The following COL1A1 variants were observed in gnomAD, a reference collection of about 807,000 sequenced individuals.
COL1A1 encodes the protein collagen alpha-1(I) chain.
In COL1A1, 21 loss-of-function variants were observed where a neutral mutation model predicts 195.7. The observed-to-expected ratio is 0.11, with a 90% CI of 0.08 to 0.15. The LOEUF is 0.15. COL1A1 is among the 10% of genes least tolerant of loss of function. COL1A1 has a pLI of 1.00. For missense variants in COL1A1, 1,365 were observed against 2,051.0 expected (o/e 0.67, Z 6.46); for synonymous variants, 749 against 747.3 (o/e 1.00, Z -0.04).
Position 50,189,067 on chromosome 17 carries a change from G to A in COL1A1, c.2938-57C>T, listed in dbSNP as rs1244108987. The A allele has an allele frequency of 3.8e-5, 59 of 1,563,904 alleles. 1 individual carries two copies. Among genetic ancestry groups the A allele is most frequent in the African/African-American group, 5.4e-5 (4 of 73,850 alleles). On this transcript the variant is annotated intron_variant, in intron 40 of 50. Transcript: ENST00000225964. This position sits in a 1 kb window ranked among gnomAD's most constrained non-coding sequence, Gnocchi z 5.5. The stretch of plus-strand genomic sequence containing the variant: ...AGGGTCTGGGAGGACCCTTGAGTCC[G>A]CTGGAGTCATCTCTACCAAATCTGT...
chr17:50,196,546 A>G lies in COL1A1; in HGVS notation c.859-18T>C. On this transcript the variant is annotated intron_variant, in intron 12 of 50. Coordinates refer to ENST00000225964, the MANE Select transcript of COL1A1 (RefSeq NM_000088.4). ...GGCTCACCCTGTAGATCAGAGAATA[A>G]TGAGTGAGAAATTCATTCATGGTGG... The G allele has an allele frequency of 6.2e-7, 1 of 1,614,144 alleles. No homozygotes were observed. The highest frequency in any genetic ancestry group is 8.5e-7 in the Non-Finnish European group (1 of 1,180,024).
chr17:50,189,322 C>T lies in COL1A1; in HGVS notation c.2830-47G>A, dbSNP rs760204125. The stretch of plus-strand genomic sequence containing the variant: ...GAGGTGCCAGAGAGCAGCACAGGGA[C>T]CCCTCCCCAGCTCTGCACACCTCCG... On this transcript the variant is annotated intron_variant, in intron 39 of 50. Transcript: ENST00000225964. The surrounding 1 kb of genome is among the most constrained non-coding windows in gnomAD (Gnocchi z 5.5). 1 of 1,613,754 alleles carries T rather than the reference C, an allele frequency of 6.2e-7. No homozygotes were observed. Among genetic ancestry groups the T allele is most frequent in the South Asian group, 1.1e-5 (1 of 91,078 alleles).
In COL1A1 at chr17:50,185,384, G is replaced by T; in HGVS notation, c.*118C>A. 8.9e-7 allele frequency: 1 copy of T among 1,127,908 alleles called. No homozygotes were observed. Among genetic ancestry groups the T allele is most frequent in the Non-Finnish European group, 1.3e-6 (1 of 753,056 alleles). 69.9% of individuals were successfully genotyped at this position (1,127,908 alleles called of 1,614,324 possible). On this transcript the variant is annotated 3_prime_UTR_variant, in exon 51 of 51. Transcript: ENST00000225964. ...GAAAAAAATATTTTCCAAAGTCCAT[G>T]TGAAATTGTCTCCCATTTTTTGGCT...
rs751808548 is a variant in COL1A1, at chr17:50,190,777, C to T, written c.2343+40G>A. On this transcript the variant is annotated intron_variant, in intron 33 of 50. Coordinates refer to ENST00000225964, the MANE Select transcript of COL1A1 (RefSeq NM_000088.4). This position sits in a 1 kb window ranked among gnomAD's most constrained non-coding sequence, Gnocchi z 4.7. ...ACCGTGCCCAGGCCTGCTGAGGAGG[C>T]TATGTGTTAGGGCAGAAGGTGGGGA... 5.7e-6 allele frequency: 9 copies of T among 1,567,634 alleles called. No homozygotes were observed. Among genetic ancestry groups the T allele is most frequent in the African/African-American group, 4.1e-5 (3 of 73,830 alleles).
In COL1A1 at chr17:50,192,658, A is replaced by G. The variant is rs771778976; in HGVS notation, c.1911T>C (p.Ala637=). ...GCCTCACCTGGAATCCGGGGGAGCC[A>G]GCAGGGCCTTGTTCACCTCTCTCGC... ...PAGERGEQGP[A]GSPGFQGLPG... Residue 637 remains alanine, a synonymous_variant, in exon 28 of 51, where the codon GCT becomes GCC. Transcript: ENST00000225964. The G allele has an allele frequency of 1.9e-6, 3 of 1,614,126 alleles. No individual in the cohort carries two copies. Among genetic ancestry groups the G allele is most frequent in the Non-Finnish European group, 8.5e-7 (1 of 1,180,046 alleles).
chr17:50,193,171 C>T (rs529107035), intron 25 of COL1A1, 124 bp from the exon 26 acceptor site: 40 of 966,518 alleles, frequency 4.1e-5, no homozygotes, highest in Admixed American at 1.9e-4. Context: ...GTTTGGCCCC[C>T]GGGGAATGCC....
chr17:50,194,310 A>G lies in COL1A1; in HGVS notation c.1614+39T>C. The G allele has an allele frequency of 6.2e-7, 1 of 1,609,006 alleles. No individual in the cohort carries two copies. The highest frequency in any genetic ancestry group is 8.5e-7 in the Non-Finnish European group (1 of 1,175,546). ...ATCCCAGACCCTACACGGGATGGTC[A>G]GGGCCTGGCCAAGCCAGGCTGAAAG... On this transcript the variant is annotated intron_variant, in intron 23 of 50. Transcript: ENST00000225964. This position sits in a 1 kb window ranked among gnomAD's most constrained non-coding sequence, Gnocchi z 6.8.
rs1187302629 is a variant in COL1A1, at chr17:50,194,312, G to A, written c.1614+37C>T. The A allele has an allele frequency of 1.9e-6, 3 of 1,610,110 alleles. No individual in the cohort carries two copies. Among genetic ancestry groups the A allele is most frequent in the Non-Finnish European group, 1.7e-6 (2 of 1,176,578 alleles). On this transcript the variant is annotated intron_variant, in intron 23 of 50. Coordinates refer to ENST00000225964, the MANE Select transcript of COL1A1 (RefSeq NM_000088.4). The surrounding 1 kb of genome is among the most constrained non-coding windows in gnomAD (Gnocchi z 6.8). ...CCCAGACCCTACACGGGATGGTCAG[G>A]GCCTGGCCAAGCCAGGCTGAAAGCC...
At chr17:50,191,348 T>A (rs546112377) in intron 32 of COL1A1, 35 bp downstream of exon 32, 1 of 1,570,870 alleles carries the variant, frequency 6.4e-7, no homozygotes, top group African/African-American at 1.4e-5. Flanking sequence ...ATGGGAGCCA[T>A]GTAGGGCTCA....
chr17:50,188,635 A>G lies in COL1A1; in HGVS notation c.3102T>C (p.Gly1034=), dbSNP rs147743501. 6.8e-4 allele frequency: 1,105 copies of G among 1,613,908 alleles called. No homozygotes were observed. The highest frequency in any genetic ancestry group is 8.8e-4 in the Non-Finnish European group (1,039 of 1,179,940). Residue 1034 remains glycine, a splice_region_variant and synonymous_variant, in exon 43 of 51, where the codon GGT becomes GGC. Coordinates refer to ENST00000225964, the MANE Select transcript of COL1A1 (RefSeq NM_000088.4). This position sits in a 1 kb window ranked among gnomAD's most constrained non-coding sequence, Gnocchi z 5.6. The stretch of plus-strand genomic sequence containing the variant: ...CAGCGGGGCCGGTCTCACCACGGTC[A>G]CCCTGGCGGGGAGAGCAGGGGAATA... The part of the protein sequence containing the change: ...PGRDGSPGAK[G]DRGETGPAGP...
At position 50,189,834 on chromosome 17, in the gene COL1A1, C is replaced by G; in HGVS notation, c.2613+25G>C. On this transcript the variant is annotated intron_variant, in intron 37 of 50. Transcript: ENST00000225964. The surrounding 1 kb of genome is among the most constrained non-coding windows in gnomAD (Gnocchi z 5.5). Reference sequence around the variant, plus strand: ...GCTGCCTGGGGAGAGGGGAGAGGCTCAACAGAGAGGCGGGTGATACTCACA... The same window carrying G: ...GCTGCCTGGGGAGAGGGGAGAGGCTGAACAGAGAGGCGGGTGATACTCACA... 6.2e-7 allele frequency: 1 copy of G among 1,612,568 alleles called. No homozygotes were observed. The highest frequency in any genetic ancestry group is 8.5e-7 in the Non-Finnish European group (1 of 1,179,298).
At position 50,190,763 on chromosome 17, in the gene COL1A1, G is replaced by A; in HGVS notation, c.2343+54C>T. 6.5e-7 allele frequency: 1 copy of A among 1,543,390 alleles called. No individual in the cohort carries two copies. Among genetic ancestry groups the A allele is most frequent in the Non-Finnish European group, 9.0e-7 (1 of 1,116,434 alleles). On this transcript the variant is annotated intron_variant, in intron 33 of 50. Coordinates refer to ENST00000225964, the MANE Select transcript of COL1A1 (RefSeq NM_000088.4). This position sits in a 1 kb window ranked among gnomAD's most constrained non-coding sequence, Gnocchi z 4.7. ...CGCAACCCCACGGAACCGTGCCCAG[G>A]CCTGCTGAGGAGGCTATGTGTTAGG... is the stretch of plus-strand genomic sequence containing the variant.
In COL1A1 at chr17:50,186,185, C is replaced by A. The variant is rs932022943; in HGVS notation, c.4005+132G>T. On this transcript the variant is annotated intron_variant, in intron 49 of 50. Coordinates refer to ENST00000225964, the MANE Select transcript of COL1A1 (RefSeq NM_000088.4). The surrounding 1 kb of genome is among the most constrained non-coding windows in gnomAD (Gnocchi z 5.3). The stretch of plus-strand genomic sequence containing the variant: ...CCTGTGTCTGAACCACTATCAGGGA[C>A]CTGAGACCCCTGCCTCCCAGCCCAG... 18 of 1,502,010 alleles carry A rather than the reference C, an allele frequency of 1.2e-5. No individual in the cohort carries two copies. The highest frequency in any genetic ancestry group is 1.6e-5 in the Non-Finnish European group (18 of 1,096,552). 93.0% of individuals were successfully genotyped at this position (1,502,010 alleles called of 1,614,324 possible).
chr17:50,193,004 G>A lies in COL1A1; in HGVS notation c.1811C>T (p.Pro604Leu). 1 of 1,614,138 alleles carries A rather than the reference G, an allele frequency of 6.2e-7. No individual in the cohort carries two copies. The change falls in exon 26 of 51, where the codon CCT (proline) becomes CTT (leucine). Residue 604 changes from proline (P) to leucine (L), a missense_variant. This residue lies in a region of COL1A1 where 671 missense variants were observed against 1,099.9 expected (regional missense o/e 0.61). Coordinates refer to ENST00000225964, the MANE Select transcript of COL1A1 (RefSeq NM_000088.4). ...KAGERGVPGP[P>L]GAVGPAGKDG... ...AAAGGAGATACTTACGACAGCGCCA[G>A]GGGGTCCGGGAACACCTCGCTCTCC... is the stretch of plus-strand genomic sequence containing the variant.
In COL1A1 at chr17:50,195,817, A is replaced by C; in HGVS notation, c.1056+106T>G. ...GAACCCAGGACAAAGGTGTTAGTGA[A>C]CGGGCTGCTCTCTTGCCACTCTGGG... On this transcript the variant is annotated intron_variant, in intron 16 of 50. Transcript: ENST00000225964. This position sits in a 1 kb window ranked among gnomAD's most constrained non-coding sequence, Gnocchi z 4.3. 1 of 1,406,550 alleles carries C rather than the reference A, an allele frequency of 7.1e-7. No homozygotes were observed. The highest frequency in any genetic ancestry group is 9.8e-7 in the Non-Finnish European group (1 of 1,015,498). The allele number at this position is 1,406,550 out of a possible 1,614,324, so 87.1% of individuals were successfully genotyped here.
At chr17:50,197,630 T>C (rs1373476484) in intron 9 of COL1A1, 102 bp downstream of exon 9, 3 of 980,072 alleles carry the variant, frequency 3.1e-6, no homozygotes, top group Non-Finnish European at 4.6e-6. Flanking sequence ...CTTGCCCTCC[T>C]TCCTCTGAGT....
chr17:50,200,286 G>A (rs1567765356), intron 1 of COL1A1: 2 of 398,502 alleles, frequency 5.0e-6, no homozygotes, highest in Middle Eastern at 8.2e-4. Flanking sequence ...GAGAATAGGA[G>A]GGGCCCCATC....
intron 50 of COL1A1, 41 bp downstream of exon 50, chr17:50,185,737 C>T (rs759733762): frequency 6.2e-7 from 1 of 1,612,194 alleles, no homozygotes; most frequent in South Asian, 1.1e-5. Context: ...AAGCCCAAGG[C>T]CGGAGAGGTG....
In COL1A1 at chr17:50,199,324, G is replaced by A. The variant is rs1373004477; in HGVS notation, c.373C>T (p.Pro125Ser). ...CCATCTCGGCCAGGGGGGCCTGCGG[G>A]TCCCTGCAGGGGGAGAGGGCGGGGC... is the stretch of plus-strand genomic sequence containing the variant. ...GDTGPRGPRGPAGPPGRDGIP... is the reference protein window; with the variant it reads ...GDTGPRGPRGSAGPPGRDGIP... Residue 125 changes from proline (P) to serine (S), a missense_variant, in exon 5 of 51, where the codon CCC becomes TCC. Around this residue, in one of 5 missense-constraint regions of COL1A1, gnomAD observed 194 missense variants for 221.7 expected, o/e 0.88. Transcript: ENST00000225964. The A allele has an allele frequency of 6.4e-7, 1 of 1,561,780 alleles. No homozygotes were observed. The highest frequency in any genetic ancestry group is 2.4e-5 in the East Asian group (1 of 41,912).
Sources: allele counts gnomAD v4.1 joint callset, GRCh38; gene constraint gnomAD v4.1.1; regional missense constraint gnomAD v4.1.1; non-coding constraint Gnocchi (gnomAD v3.1); transcripts MANE v1.5; gene names NCBI Gene and HGNC (gene_info 2026-07-23, HGNC 2026-07-21).